The following KCNAB3 variants were observed in gnomAD, a reference collection of about 807,000 sequenced individuals.
The protein encoded by KCNAB3 is potassium voltage-gated channel subfamily A regulatory beta subunit 3, also known as voltage-gated potassium channel subunit beta-3.
A neutral mutation model predicts 67.7 loss-of-function variants in KCNAB3; 62 were observed. The ratio of observed to expected loss-of-function variants is 0.92; its 90% CI spans 0.75 to 1.13. The LOEUF (loss-of-function observed/expected upper bound fraction) is 1.13, where lower values mean the gene tolerates loss of function less well. Ranked by LOEUF, KCNAB3 falls within the 50% of genes most tolerant of loss-of-function variation. KCNAB3 has a pLI of 0.00. For missense variants in KCNAB3, 514 were observed against 522.9 expected, an observed-to-expected ratio of 0.98 and a Z score of 0.17; for synonymous variants, 212 against 205.4, an observed-to-expected ratio of 1.03 and a Z score of -0.27.
chr17:7,927,088 G>A (rs1198893827), intron 4 of KCNAB3: 10 of 495,802 alleles, frequency 2.0e-5, no homozygotes, highest in Non-Finnish European at 2.9e-5. Context: ...CTTTGTAGTT[G>A]CACATAACTA....
intron 1 of KCNAB3, chr17:7,928,103 G>C: frequency 1.8e-6 from 1 of 569,008 alleles, no homozygotes; most frequent in Non-Finnish European, 3.1e-6. Flanking sequence ...GTGCAGTCTG[G>C]TTTGTCCTTC....
At position 7,923,096 on chromosome 17, in the gene KCNAB3, GA is replaced by G; in HGVS notation, c.*5del. Reference sequence around the variant, plus strand: ...CACCGGGTTGGGTCCCTGCGCCCGCGACAGACTACTTCTTGGAATGCGGCTT... The same window carrying G: ...CACCGGGTTGGGTCCCTGCGCCCGCGCAGACTACTTCTTGGAATGCGGCTT... On this transcript the variant is annotated 3_prime_UTR_variant, in exon 14 of 14. Transcript: ENST00000303790. The G allele has an allele frequency of 6.2e-7, 1 of 1,613,992 alleles. No homozygotes were observed. The highest frequency in any genetic ancestry group is 8.5e-7 in the Non-Finnish European group (1 of 1,179,882).
rs1972363705 is a variant in KCNAB3 at position 7,929,737 on chromosome 17, G to C, written c.-302C>G. ...GGATGAGGGTAAAGGTCGAGGATGA[G>C]GTAAAGGTCTCGGAGGATAAGGACC... On this transcript the variant is annotated 5_prime_UTR_variant, in exon 1 of 14. Transcript: ENST00000303790. The surrounding 1 kb of genome is among the most constrained non-coding windows in gnomAD (Gnocchi z 5.7). 7.9e-7 allele frequency: 1 copy of C among 1,272,222 alleles called. No homozygotes were observed. The highest frequency in any genetic ancestry group is 1.0e-6 in the Non-Finnish European group (1 of 1,003,556). The allele number at this position is 1,272,222 out of a possible 1,614,324, so 78.8% of individuals were successfully genotyped here. A position where few individuals can be genotyped will look rare whatever the true frequency, so the allele number is the denominator to read the frequency against.
chr17:7,929,835 G>GCATAT lies in KCNAB3; in HGVS notation c.-401_-400insATATG. ...TGCGGGACCCGCTGGGCTCCCAGCC[G>GCATAT]CGTCGGCAGCGGGCCCAGCTCATCA... On this transcript the variant is annotated 5_prime_UTR_variant, in exon 1 of 14. It adds an upstream start codon to the 5' untranslated region. Transcript: ENST00000303790. This position sits in a 1 kb window ranked among gnomAD's most constrained non-coding sequence, Gnocchi z 5.7. The GCATAT allele has an allele frequency of 7.8e-6, 8 of 1,029,896 alleles. No homozygotes were observed. Among genetic ancestry groups the GCATAT allele is most frequent in the South Asian group, 6.9e-5 (2 of 28,924 alleles). 63.8% of individuals were successfully genotyped at this position (1,029,896 alleles called of 1,614,324 possible).
chr17:7,924,229 G>C lies in KCNAB3; in HGVS notation c.748C>G (p.Pro250Ala), dbSNP rs760379968. The C allele has an allele frequency of 4.3e-6, 7 of 1,614,186 alleles. No individual in the cohort carries two copies. Among genetic ancestry groups the C allele is most frequent in the Non-Finnish European group, 5.1e-6 (6 of 1,180,024 alleles). ...TGCTCCGCTTGTTCACACACTGGAG[G>C]AATCAGATTGAACTGTCTGGCCATG... Reference protein sequence around the residue: ...YSMARQFNLIPPVCEQAEHHL... With the variant: ...YSMARQFNLIAPVCEQAEHHL... The change falls in exon 10 of 14, where the codon CCT (proline) becomes GCT (alanine). Residue 250 changes from proline (P) to alanine (A), a missense_variant. Coordinates refer to ENST00000303790, the MANE Select transcript of KCNAB3 (RefSeq NM_004732.4).
chr17:7,929,485 A>T lies in KCNAB3; in HGVS notation c.-50T>A. On this transcript the variant is annotated 5_prime_UTR_variant, in exon 1 of 14. Coordinates refer to ENST00000303790, the MANE Select transcript of KCNAB3 (RefSeq NM_004732.4). The surrounding 1 kb of genome is among the most constrained non-coding windows in gnomAD (Gnocchi z 5.7). Reference sequence around the variant, plus strand: ...GGGCTCCGAGGGGACGGGAGGGGGGAGCAGGGAAGCCCGAGGGCTGACGAC... The same window carrying T: ...GGGCTCCGAGGGGACGGGAGGGGGGTGCAGGGAAGCCCGAGGGCTGACGAC... 2 of 1,514,386 alleles carry T rather than the reference A, an allele frequency of 1.3e-6. No homozygotes were observed. The highest frequency in any genetic ancestry group is 8.9e-7 in the Non-Finnish European group (1 of 1,121,110). The allele number at this position is 1,514,386 out of a possible 1,614,324, so 93.8% of individuals were successfully genotyped here.
chr17:7,926,915 G>T (rs1015931971), intron 4 of KCNAB3, among the ~76,000 whole-genome samples: 1 of 152,122 alleles, frequency 6.6e-6, no homozygotes, highest in African/African-American at 2.4e-5. Context: ...GGGAGGGGGT[G>T]ACCAACTCTG....
intron 4 of KCNAB3, 25 bp downstream of exon 4, chr17:7,927,319 T>C (rs1186754322): frequency 6.2e-7 from 1 of 1,604,358 alleles, no homozygotes; most frequent in East Asian, 2.2e-5. Context: ...CAAATGGAGC[T>C]TAGCTCTTTC....
chr17:7,923,913 C>G, intron 11 of KCNAB3, 55 bp downstream of exon 11: 1 of 1,568,610 alleles, frequency 6.4e-7, no homozygotes, highest in Non-Finnish European at 8.6e-7. Context: ...CCCGTAACTC[C>G]CCCCAAAGCA....
At chr17:7,925,412 C>T in intron 7 of KCNAB3, 1 of 596,350 alleles carries the variant, frequency 1.7e-6, no homozygotes, top group East Asian at 2.8e-5. Context: ...GCCTGTAATC[C>T]CAGTTACTCG....
Position 7,929,448 on chromosome 17 carries a change from A to G in KCNAB3, c.-13T>C, listed in dbSNP as rs9898955. 791,661 of 1,526,860 alleles carry G rather than the reference A, an allele frequency of 0.52. 211,715 individuals carry two copies. The highest frequency in any genetic ancestry group is 0.93 in the East Asian group (37,903 of 40,724). 94.6% of individuals were successfully genotyped at this position (1,526,860 alleles called of 1,614,324 possible). ...TAGACACCTGCATGCTGGCTGGCCG[A>G]GGCGGGGGAGGGGGCTCCGAGGGGA... On this transcript the variant is annotated 5_prime_UTR_variant, in exon 1 of 14. Transcript: ENST00000303790. The surrounding 1 kb of genome is among the most constrained non-coding windows in gnomAD (Gnocchi z 5.7).
At position 7,929,586 on chromosome 17, in the gene KCNAB3, G is replaced by C. The variant is rs1334983314; in HGVS notation, c.-151C>G. The C allele has an allele frequency of 1.7e-5, 25 of 1,439,240 alleles. No individual in the cohort carries two copies. Among genetic ancestry groups the C allele is most frequent in the Non-Finnish European group, 2.3e-5 (25 of 1,105,914 alleles). 89.2% of individuals were successfully genotyped at this position (1,439,240 alleles called of 1,614,324 possible). A position where few individuals can be genotyped will look rare whatever the true frequency, so the allele number is the denominator to read the frequency against. On this transcript the variant is annotated 5_prime_UTR_variant, in exon 1 of 14. Transcript: ENST00000303790. This position sits in a 1 kb window ranked among gnomAD's most constrained non-coding sequence, Gnocchi z 5.7. ...GCGGCGGGAGCCGCCAGGCAGGATC[G>C]GGCCCGCGGGGGCGGGCTGCTGGAG...
At chr17:7,928,028 C>A in intron 1 of KCNAB3, 1 of 623,458 alleles carries the variant, frequency 1.6e-6, no homozygotes, top group South Asian at 1.9e-5. Context: ...ACAAGTGAAC[C>A]ATATGTGACT....
chr17:7,924,293 G>T, intron 9 of KCNAB3, 28 bp from the exon 10 acceptor site: 2 of 1,613,596 alleles, frequency 1.2e-6, no homozygotes, highest in Non-Finnish European at 1.7e-6. Context: ...AAAAGAAAGT[G>T]GTCAGAGCAC....
chr17:7,922,202 T>G lies in KCNAB3; in HGVS notation c.*900A>C, dbSNP rs961635159. ...ACTGTGAGGATCAAGCTGAGGTTTATTTACAGTTACCTGGGAAGTCTTACA... is the reference window on the plus strand; with the variant it reads ...ACTGTGAGGATCAAGCTGAGGTTTAGTTACAGTTACCTGGGAAGTCTTACA... On this transcript the variant is annotated 3_prime_UTR_variant, in exon 14 of 14. Coordinates refer to ENST00000303790, the MANE Select transcript of KCNAB3 (RefSeq NM_004732.4). The G allele has an allele frequency of 6.6e-6, 1 of 152,196 alleles. No homozygotes were observed. The highest frequency in any genetic ancestry group is 2.4e-5 in the African/African-American group (1 of 41,436). 9.4% of individuals were successfully genotyped at this position (152,196 alleles called of 1,614,324 possible).
In KCNAB3 at chr17:7,929,666, T is replaced by G; in HGVS notation, c.-231A>C. ...ACGTGGGGGGCGCCAGGAGTGGAGA[T>G]ATTCAGTTACGGGGGACACAGGAGC... On this transcript the variant is annotated 5_prime_UTR_variant, in exon 1 of 14. Coordinates refer to ENST00000303790, the MANE Select transcript of KCNAB3 (RefSeq NM_004732.4). The surrounding 1 kb of genome is among the most constrained non-coding windows in gnomAD (Gnocchi z 5.7). The G allele has an allele frequency of 7.3e-7, 1 of 1,361,542 alleles. No individual in the cohort carries two copies. The highest frequency in any genetic ancestry group is 9.4e-7 in the Non-Finnish European group (1 of 1,060,822). The allele number at this position is 1,361,542 out of a possible 1,614,324, so 84.3% of individuals were successfully genotyped here.
rs1408769838 is a variant in KCNAB3 at position 7,929,364 on chromosome 17, G to A, written c.72C>T (p.Pro24=). The A allele has an allele frequency of 1.9e-6, 3 of 1,549,266 alleles. No homozygotes were observed. In the African/African-American group the frequency reaches 4.1e-5, roughly 21 times the overall value. The change falls in exon 1 of 14, where the codon CCC becomes CCT. Residue 24 remains proline, a synonymous_variant. Coordinates refer to ENST00000303790, the MANE Select transcript of KCNAB3 (RefSeq NM_004732.4). The surrounding 1 kb of genome is among the most constrained non-coding windows in gnomAD (Gnocchi z 5.7). ...CATTACCGCCCCCGGGGCCCGGCCG[G>A]GGTCCACACAGACGGTCCTCACTGC... ...SRSSEDRLCG[P]RPGPGGGNGG...
Position 7,923,624 on chromosome 17 carries a change from C to T in KCNAB3, c.1049-80G>A. The T allele has an allele frequency of 1.9e-6, 3 of 1,552,980 alleles. No individual in the cohort carries two copies. The South Asian group carries it at 3.6e-5, about 18-fold the overall frequency. ...TTTCAGAAGTGTCTCTGAAGACAAG[C>T]GTCCTCCCTAGGGACAAACCAGTTT... On this transcript the variant is annotated intron_variant, in intron 12 of 13. Transcript: ENST00000303790.
intron 13 of KCNAB3, 31 bp downstream of exon 13, chr17:7,923,425 G>A (rs1206029439): frequency 3.2e-6 from 5 of 1,586,070 alleles, no homozygotes; most frequent in Non-Finnish European, 4.3e-6. Flanking sequence ...GAGGGGGACA[G>A]ATAGGCTCTG....
Sources: allele counts gnomAD v4.1 joint callset (sites outside exome capture counted in the v4.1 genomes callset), GRCh38; gene constraint gnomAD v4.1.1; non-coding constraint Gnocchi (gnomAD v3.1); transcripts MANE v1.5; gene names NCBI Gene and HGNC (gene_info 2026-07-23, HGNC 2026-07-21).